Variants in ZNF609 observed in about 807,000 individuals in gnomAD.
The protein encoded by ZNF609 is zinc finger protein 609.
A neutral mutation model predicts 109.5 loss-of-function variants in ZNF609; 11 were observed. The observed-to-expected ratio is 0.10, with a 90% confidence interval of 0.06 to 0.17. The LOEUF is 0.17. Ranked by LOEUF, ZNF609 falls within the 10% of genes least tolerant of loss-of-function variation. The pLI is 1.00. For missense variants in ZNF609, 1,559 were observed against 1,772.4 expected, an observed-to-expected ratio of 0.88 and a Z score of 2.16; for synonymous variants, 646 against 662.0, an observed-to-expected ratio of 0.98 and a Z score of 0.37.
At chr15:64,463,186 G>A (rs1165390584) in intron 1 of ZNF609, among the ~76,000 whole-genome samples, 1 of 152,144 alleles carries the variant, frequency 6.6e-6, no homozygotes, top group Non-Finnish European at 1.5e-5. Context: ...CTTGAGTTCA[G>A]GAGTTCGAGA....
chr15:64,498,293 G>A (rs1893512193), intron 1 of ZNF609, among the ~76,000 whole-genome samples: 1 of 151,968 alleles, frequency 6.6e-6, no homozygotes, highest in African/African-American at 2.4e-5. Context: ...CAGGTGATTA[G>A]CCTGCCTCTG....
chr15:64,588,285 C>T (rs569648648), intron 2 of ZNF609, among the ~76,000 whole-genome samples: 24 of 149,434 alleles, frequency 1.6e-4, no homozygotes, highest in African/African-American at 3.7e-4. Flanking sequence ...AAAAATTAGC[C>T]GGGCGTGGTG....
At chr15:64,549,146 C>G (rs182392955) in intron 2 of ZNF609, among the ~76,000 whole-genome samples, 1 of 151,954 alleles carries the variant, frequency 6.6e-6, no homozygotes, top group Non-Finnish European at 1.5e-5. Flanking sequence ...AAAATAGTAC[C>G]CACTGTGTTT....
chr15:64,673,662 G>GA (rs1896766568), intron 4 of ZNF609, among the ~76,000 whole-genome samples: 1 of 152,180 alleles, frequency 6.6e-6, no homozygotes, highest in South Asian at 2.1e-4. Context: ...CTGTATATAG[G>GA]AAATGTTGAC....
chr15:64,577,404 TATATATACACATATAA>T lies in ZNF609; in HGVS notation c.748-45407_748-45392del, dbSNP rs1895008202. On this transcript the variant is annotated intron_variant, in intron 2 of 9. Coordinates refer to ENST00000326648, the MANE Select transcript of ZNF609 (RefSeq NM_015042.2). ...ATATAAATATATACACATATATGTATATATATACACATATAAATATATACACATATATGTATATATA... is the reference window on the plus strand; with the variant it reads ...ATATAAATATATACACATATATGTATATATATACACATATATGTATATATA... Among the ~76,000 whole-genome samples the T allele has an allele frequency of 1.0e-4, 2 of 19,434 alleles. 1 individual carries two copies. Among genetic ancestry groups the T allele is most frequent in the Non-Finnish European group, 5.1e-4 (2 of 3,904 alleles). 12.7% of individuals were successfully genotyped at this position (19,434 alleles called of 152,430 possible).
chr15:64,621,776 T>G (rs1895880349), intron 2 of ZNF609, among the ~76,000 whole-genome samples: 1 of 151,682 alleles, frequency 6.6e-6, no homozygotes, highest in South Asian at 2.1e-4. Context: ...TCTTTTTTTT[T>G]TTTTTTTGAG....
At chr15:64,520,796 G>C (rs1012933964) in intron 2 of ZNF609, among the ~76,000 whole-genome samples, 1 of 151,878 alleles carries the variant, frequency 6.6e-6, no homozygotes, top group South Asian at 2.1e-4. Context: ...TTCAACCTAG[G>C]GAAATTTCTA....
chr15:64,565,108 G>A (rs945479711), intron 2 of ZNF609, among the ~76,000 whole-genome samples: 1 of 147,144 alleles, frequency 6.8e-6, no homozygotes, highest in Non-Finnish European at 1.5e-5. Context: ...CACCCAGGCT[G>A]GAGTGCAGTG....
intron 2 of ZNF609, chr15:64,528,854 A>G: frequency 1.1e-6 from 1 of 876,276 alleles, no homozygotes; most frequent in Non-Finnish European, 1.9e-6. Flanking sequence ...ATTGTAGCCC[A>G]GGATGCTCTT....
intron 2 of ZNF609, among the ~76,000 whole-genome samples, chr15:64,540,647 G>C (rs983722432): frequency 6.6e-6 from 1 of 151,036 alleles, no homozygotes; most frequent in South Asian, 2.1e-4. Context: ...CTCGTGATCC[G>C]CACGCCTCGG....
chr15:64,606,744 A>G (rs1895609156), intron 2 of ZNF609, among the ~76,000 whole-genome samples: 1 of 151,784 alleles, frequency 6.6e-6, no homozygotes, highest in African/African-American at 2.4e-5. Context: ...CGGTTACATC[A>G]GTAATACCAG....
intron 2 of ZNF609, among the ~76,000 whole-genome samples, chr15:64,576,737 G>A (rs1234454635): frequency 6.8e-6 from 1 of 147,694 alleles, no homozygotes; most frequent in East Asian, 2.0e-4. Flanking sequence ...TCAGGAGTTC[G>A]AGACCAGCCT....
chr15:64,606,725 A>G (rs953422393), intron 2 of ZNF609, among the ~76,000 whole-genome samples: 3 of 152,124 alleles, frequency 2.0e-5, no homozygotes, highest in African/African-American at 7.2e-5. Context: ...CAGCATTTAT[A>G]GTTTAAAACG....
intron 1 of ZNF609, among the ~76,000 whole-genome samples, chr15:64,481,342 C>T (rs1401879120): frequency 1.1e-3 from 121 of 115,008 alleles, no homozygotes; most frequent in Middle Eastern, 8.8e-3. Context: ...TTTTTTGAGA[C>T]GGAGTTTCAC....
chr15:64,489,621 C>T (rs1480769625), intron 1 of ZNF609, among the ~76,000 whole-genome samples: 1 of 147,832 alleles, frequency 6.8e-6, no homozygotes, highest in Non-Finnish European at 1.5e-5. Flanking sequence ...CTTCTGCCTC[C>T]TGGATTCAAG....
At chr15:64,587,269 G>A (rs1895213774) in intron 2 of ZNF609, among the ~76,000 whole-genome samples, 1 of 152,152 alleles carries the variant, frequency 6.6e-6, no homozygotes, top group South Asian at 2.1e-4. Context: ...TGTCGAAAGA[G>A]GTCGAGGAAA....
At chr15:64,468,777 A>T (rs2140328658) in intron 1 of ZNF609, among the ~76,000 whole-genome samples, 1 of 152,258 alleles carries the variant, frequency 6.6e-6, no homozygotes, top group Admixed American at 6.5e-5. Context: ...TAAAACCCAG[A>T]TTCTGATCAT....
chr15:64,672,815 T>C (rs1432915032), intron 4 of ZNF609, among the ~76,000 whole-genome samples: 2 of 147,614 alleles, frequency 1.4e-5, no homozygotes, highest in East Asian at 4.0e-4. Context: ...AATACAAAAA[T>C]TAGCTGGGCG....
intron 2 of ZNF609, among the ~76,000 whole-genome samples, chr15:64,587,733 G>A (rs1024133008): frequency 1.3e-5 from 2 of 151,946 alleles, no homozygotes; most frequent in African/African-American, 4.8e-5. Context: ...ATTCTGGTAG[G>A]GAAACACTAT....
Sources: gnomAD v4.1 joint callset for allele counts (sites outside exome capture counted in the v4.1 genomes callset) on GRCh38, gnomAD v4.1.1 for gene constraint, MANE v1.5 for transcripts, NCBI Gene and HGNC (gene_info 2026-07-23, HGNC 2026-07-21) for gene names.